The following TIAM1 variants were observed in gnomAD, a reference collection of about 807,000 sequenced individuals.
The protein encoded by TIAM1 is TIAM Rac1 associated GEF 1, also known as rho guanine nucleotide exchange factor TIAM1.
In TIAM1, 65 loss-of-function variants were observed where a neutral mutation model predicts 163.5. That is an observed-to-expected ratio of 0.40 (90% CI 0.33 to 0.49). The LOEUF (loss-of-function observed/expected upper bound fraction) is 0.49. Ranked by LOEUF, TIAM1 falls within the 20% of genes least tolerant of loss-of-function variation. The pLI, the probability that TIAM1 is intolerant of heterozygous loss-of-function variation, is 0.77. For synonymous variants in TIAM1, 833 were observed against 810.1 expected, an observed-to-expected ratio of 1.03 and a Z score of -0.48; for missense variants, 1,789 against 2,044.7, an observed-to-expected ratio of 0.87 and a Z score of 2.41.
intron 8 of TIAM1, among the ~76,000 whole-genome samples, chr21:31,222,734 T>G (rs1391281175): frequency 8.6e-6 from 1 of 116,114 alleles, no homozygotes; most frequent in Non-Finnish European, 1.8e-5. Context: ...TTTTTTTTTT[T>G]TGAGACAGAG....
At chr21:31,534,579 A>G (rs2048068524) in intron 1 of TIAM1, among the ~76,000 whole-genome samples, 1 of 152,088 alleles carries the variant, frequency 6.6e-6, no homozygotes, top group Non-Finnish European at 1.5e-5. Flanking sequence ...GGAAGCTGAG[A>G]TAGAAGAATT....
chr21:31,391,150 A>T (rs1276120318), intron 2 of TIAM1, among the ~76,000 whole-genome samples: 1 of 152,046 alleles, frequency 6.6e-6, no homozygotes, highest in Non-Finnish European at 1.5e-5. Flanking sequence ...TGGGGATTTT[A>T]AAGGGGGCTT....
chr21:31,501,629 G>A (rs2046852542), intron 1 of TIAM1, among the ~76,000 whole-genome samples: 1 of 152,008 alleles, frequency 6.6e-6, no homozygotes, highest in South Asian at 2.1e-4. Flanking sequence ...TTGAGACAGG[G>A]TCTCGCTCTG....
chr21:31,396,377 C>T (rs958250425), intron 2 of TIAM1, among the ~76,000 whole-genome samples: 9 of 151,998 alleles, frequency 5.9e-5, no homozygotes, highest in Non-Finnish European at 1.3e-4. Context: ...CACGGGGTCT[C>T]TCCCTCCACG....
chr21:31,134,250 C>T (rs1197841603), intron 23 of TIAM1, among the ~76,000 whole-genome samples: 2 of 152,038 alleles, frequency 1.3e-5, no homozygotes, highest in Non-Finnish European at 2.9e-5. Flanking sequence ...GTCTGTAGTC[C>T]CACATCACTG....
intron 14 of TIAM1, among the ~76,000 whole-genome samples, chr21:31,184,397 T>G (rs573036009): frequency 1.3e-5 from 2 of 152,120 alleles, no homozygotes; most frequent in African/African-American, 4.8e-5. Context: ...TGAGCCACCG[T>G]GCCCGGCCAA....
chr21:31,311,871 G>T (rs1406719276), intron 2 of TIAM1, among the ~76,000 whole-genome samples: 5 of 152,190 alleles, frequency 3.3e-5, no homozygotes, highest in Non-Finnish European at 7.3e-5. Flanking sequence ...CAATCTGGGT[G>T]GGCATCATCT....
At chr21:31,480,938 T>C (rs763276909) in intron 1 of TIAM1, among the ~76,000 whole-genome samples, 5 of 152,128 alleles carry the variant, frequency 3.3e-5, no homozygotes, top group Admixed American at 2.0e-4. Flanking sequence ...GTATTTTTAG[T>C]AGAGATGGGG....
chr21:31,474,972 G>C (rs976906690), intron 1 of TIAM1, among the ~76,000 whole-genome samples: 3 of 151,766 alleles, frequency 2.0e-5, no homozygotes, highest in Non-Finnish European at 2.9e-5. Flanking sequence ...GAGACCCACA[G>C]AACAGGATTT....
At chr21:31,468,007 A>G (rs142833125) in intron 1 of TIAM1, among the ~76,000 whole-genome samples, 4,512 of 150,208 alleles carry the variant, frequency 0.03, 230 homozygotes, top group African/African-American at 0.1. Flanking sequence ...AATTGCTTGA[A>G]CCTGGGAGGT....
At position 31,130,212 on chromosome 21, in the gene TIAM1, C is replaced by G. The variant is rs2082358374; in HGVS notation, c.4045+1G>C. 1.2e-6 allele frequency: 2 copies of G among 1,613,628 alleles called. No homozygotes were observed. Among genetic ancestry groups the G allele is most frequent in the Admixed American group, 3.3e-5 (2 of 59,978 alleles). ...AATACCCAGCACAGGTGAGAGTTTA[C>G]CTGCACTCGCCAAAGCTCGAACCTG... On this transcript the variant is annotated splice_donor_variant, in intron 25 of 27. Coordinates refer to ENST00000541036, the MANE Select transcript of TIAM1 (RefSeq NM_001353694.2). LOFTEE classifies it high-confidence loss of function.
intron 2 of TIAM1, among the ~76,000 whole-genome samples, chr21:31,419,418 C>T (rs2043488116): frequency 6.6e-6 from 1 of 152,178 alleles, no homozygotes; most frequent in African/African-American, 2.4e-5. Flanking sequence ...GAACAGAAGA[C>T]TCACCTTCAG....
intron 2 of TIAM1, among the ~76,000 whole-genome samples, chr21:31,410,446 G>T (rs559799758): frequency 6.6e-6 from 1 of 151,836 alleles, no homozygotes; most frequent in East Asian, 1.9e-4. Context: ...GACTGTGTGA[G>T]GGTGTTACGT....
chr21:31,427,642 C>G (rs758080104), intron 2 of TIAM1, among the ~76,000 whole-genome samples: 15 of 151,712 alleles, frequency 9.9e-5, no homozygotes, highest in Non-Finnish European at 1.8e-4. Context: ...GGCATCATAA[C>G]GAGACCTCAT....
intron 8 of TIAM1, among the ~76,000 whole-genome samples, chr21:31,219,744 C>A (rs1385326233): frequency 2.0e-5 from 3 of 150,030 alleles, no homozygotes; most frequent in Non-Finnish European, 4.4e-5. Flanking sequence ...AAAAACAAAA[C>A]AAAACAAAAA....
chr21:31,340,011 A>C (rs1035431356), intron 1 of TIAM1, among the ~76,000 whole-genome samples: 3 of 152,120 alleles, frequency 2.0e-5, no homozygotes, highest in Non-Finnish European at 2.9e-5. Context: ...GCAGCTAGTC[A>C]ATCTGTCTTC....
chr21:31,439,792 C>T (rs1263062833), intron 2 of TIAM1, among the ~76,000 whole-genome samples: 2 of 152,146 alleles, frequency 1.3e-5, no homozygotes, highest in Non-Finnish European at 2.9e-5. Context: ...AACCCAGAAA[C>T]CATAATTATC....
chr21:31,534,374 C>T (rs972135600), intron 1 of TIAM1, among the ~76,000 whole-genome samples: 4 of 152,166 alleles, frequency 2.6e-5, no homozygotes, highest in African/African-American at 9.7e-5. Flanking sequence ...CCAGGACAAA[C>T]CAAAGAAGCA....
chr21:31,320,058 C>A (rs1381016487), intron 2 of TIAM1, among the ~76,000 whole-genome samples: 1 of 151,960 alleles, frequency 6.6e-6, no homozygotes, highest in African/African-American at 2.4e-5. Flanking sequence ...TGCTCATTTA[C>A]AGAGGAATAA....
Sources: allele counts gnomAD v4.1 joint callset (sites outside exome capture counted in the v4.1 genomes callset), GRCh38; gene constraint gnomAD v4.1.1; transcripts MANE v1.5; gene names NCBI Gene and HGNC (gene_info 2026-07-23, HGNC 2026-07-21).